BCAS3: variants seen among roughly 807,000 people sequenced by gnomAD.
BCAS3 encodes BCAS3 microtubule associated cell migration factor, also known as BCAS4/BCAS3 fusion.
A neutral mutation model predicts 116.1 loss-of-function variants in BCAS3; 53 were observed. The ratio of observed to expected loss-of-function variants is 0.46; its 90% CI spans 0.37 to 0.57. The LOEUF (loss-of-function observed/expected upper bound fraction) is 0.57. BCAS3 is among the 20% of genes least tolerant of loss of function. The pLI, the probability that BCAS3 is intolerant of heterozygous loss-of-function variation, is 0.00. For missense variants in BCAS3, 917 were observed against 1,165.4 expected (o/e 0.79, Z 3.10); for synonymous variants, 391 against 408.2 (o/e 0.96, Z 0.51).
chr17:60,774,658 A>G (rs1368040824), intron 6 of BCAS3, among the ~76,000 whole-genome samples: 1 of 152,260 alleles, frequency 6.6e-6, no homozygotes, highest in African/African-American at 2.4e-5. Context: ...TAGAATAGCC[A>G]TTAGTCTAGA....
In BCAS3 at chr17:60,930,087, C is replaced by T. The variant is rs944692851; in HGVS notation, c.1087+5587C>T. Reference sequence around the variant, plus strand: ...TCAATAGGCCTTAACACAGTAGTTACAATTTTTAATTTAAATTGGCTTTTT... The same window carrying T: ...TCAATAGGCCTTAACACAGTAGTTATAATTTTTAATTTAAATTGGCTTTTT... On this transcript the variant is annotated intron_variant, in intron 13 of 23. Transcript: ENST00000407086. 7.9e-5 allele frequency among the ~76,000 whole-genome samples: 12 copies of T among 152,078 alleles called. No homozygotes were observed. In the South Asian group the frequency reaches 8.3e-4, roughly 11 times the overall value.
intron 15 of BCAS3, among the ~76,000 whole-genome samples, chr17:60,991,392 T>C (rs1040888485): frequency 2.0e-5 from 3 of 152,224 alleles, no homozygotes; most frequent in African/African-American, 7.2e-5. Context: ...ATAATATGTA[T>C]ACTAATTTTT....
rs1486505312 is a variant in BCAS3 at position 60,961,027 on chromosome 17, G to C, written c.1221+13675G>C. Among the ~76,000 whole-genome samples the C allele has an allele frequency of 6.6e-6, 1 of 151,794 alleles. No homozygotes were observed. The highest frequency in any genetic ancestry group is 1.5e-5 in the Non-Finnish European group (1 of 67,986). On this transcript the variant is annotated intron_variant, in intron 14 of 23. Coordinates refer to ENST00000407086, the MANE Select transcript of BCAS3 (RefSeq NM_017679.5). This position sits in a 1 kb window ranked among gnomAD's most constrained non-coding sequence, Gnocchi z 4.8. The stretch of plus-strand genomic sequence containing the variant: ...CAGAATGTTGTCAAGCTATACTCCT[G>C]GCCTTCAGAGCACATTTTCCCAACC...
chr17:61,114,115 A>G (rs1176702281), intron 22 of BCAS3, among the ~76,000 whole-genome samples: 5 of 146,216 alleles, frequency 3.4e-5, no homozygotes, highest in Non-Finnish European at 6.0e-5. Context: ...ATCTATGACA[A>G]ACCCACAGCC....
In BCAS3 at chr17:61,279,381, C is replaced by T. The variant is rs1384448279; in HGVS notation, c.2426-88946C>T. Among the ~76,000 whole-genome samples, 1 of 152,126 alleles carries T rather than the reference C, an allele frequency of 6.6e-6. No homozygotes were observed. On this transcript the variant is annotated intron_variant, in intron 22 of 23. Coordinates refer to ENST00000407086, the MANE Select transcript of BCAS3 (RefSeq NM_017679.5). This position sits in a 1 kb window ranked among gnomAD's most constrained non-coding sequence, Gnocchi z 4.4. ...TCTCGCTTCTTTCTTCTCTTTCCAT[C>T]AGTCAGTGATGCCCTTTGTGGGCAG...
chr17:61,270,268 C>G (rs551437129), intron 22 of BCAS3, among the ~76,000 whole-genome samples: 7 of 149,228 alleles, frequency 4.7e-5, no homozygotes, highest in African/African-American at 1.7e-4. Context: ...TACAGGTGCC[C>G]GCCACCGCGC....
intron 7 of BCAS3, among the ~76,000 whole-genome samples, chr17:60,841,546 ATT>A (rs754447784): frequency 0.19 from 23,907 of 123,330 alleles, 2,525 homozygotes; most frequent in African/African-American, 0.36. Context: ...CACCTGGCTA[ATT>A]TTTTTTTTTT....
chr17:61,059,114 G>T (rs545995236), intron 19 of BCAS3, among the ~76,000 whole-genome samples: 2 of 86,342 alleles, frequency 2.3e-5, no homozygotes, highest in East Asian at 6.0e-4. Flanking sequence ...ACAGAGTCTC[G>T]TTCTGTTGCC....
intron 12 of BCAS3, among the ~76,000 whole-genome samples, chr17:60,921,348 G>A (rs185166891): frequency 6.2e-4 from 95 of 152,260 alleles, no homozygotes; most frequent in Non-Finnish European, 1.2e-3. Context: ...ATAAGTGGGA[G>A]CTAAACATTG....
At chr17:61,164,741 C>T (rs1053532631) in intron 22 of BCAS3, among the ~76,000 whole-genome samples, 5 of 152,110 alleles carry the variant, frequency 3.3e-5, no homozygotes, top group African/African-American at 1.2e-4. Context: ...CAAAACTGAG[C>T]CAAATAAACC....
intron 6 of BCAS3, among the ~76,000 whole-genome samples, chr17:60,762,378 A>G (rs549697961): frequency 3.3e-5 from 5 of 152,164 alleles, no homozygotes; most frequent in African/African-American, 1.2e-4. Flanking sequence ...ATTTTTGTGT[A>G]AAGTGTAAGG....
At chr17:61,129,615 G>A (rs2076226018) in intron 22 of BCAS3, among the ~76,000 whole-genome samples, 1 of 152,228 alleles carries the variant, frequency 6.6e-6, no homozygotes, top group East Asian at 1.9e-4. Flanking sequence ...AACTTCCAGG[G>A]CCTTCGGCAT....
At chr17:60,987,903 A>G (rs1168251585) in intron 14 of BCAS3, among the ~76,000 whole-genome samples, 1 of 152,076 alleles carries the variant, frequency 6.6e-6, no homozygotes, top group East Asian at 1.9e-4. Context: ...GTCTTGTTCC[A>G]TATCTTGGCA....
chr17:61,288,103 T>C (rs1204562436), intron 22 of BCAS3, among the ~76,000 whole-genome samples: 1 of 152,224 alleles, frequency 6.6e-6, no homozygotes. Context: ...GGCTGTGTGC[T>C]CTTCAGCAAG....
chr17:61,016,504 C>T (rs1427315063), intron 16 of BCAS3, among the ~76,000 whole-genome samples: 1 of 152,126 alleles, frequency 6.6e-6, no homozygotes, highest in African/African-American at 2.4e-5. Context: ...TAGCAATTTG[C>T]TACCCCTTAG....
chr17:61,096,809 A>C (rs62082931), intron 22 of BCAS3, among the ~76,000 whole-genome samples: 297 of 152,328 alleles, frequency 1.9e-3, no homozygotes, highest in Middle Eastern at 6.8e-3. Flanking sequence ...TTATTTCACT[A>C]TGAAGTATAA....
At chr17:61,009,941 T>C (rs1488438521) in intron 15 of BCAS3, among the ~76,000 whole-genome samples, 1 of 152,082 alleles carries the variant, frequency 6.6e-6, no homozygotes, top group Non-Finnish European at 1.5e-5. Flanking sequence ...ATGTCCAAGT[T>C]TGTCAAAGCC....
chr17:60,791,803 A>G (rs1484239565), intron 6 of BCAS3, among the ~76,000 whole-genome samples: 2 of 152,146 alleles, frequency 1.3e-5, no homozygotes, highest in African/African-American at 2.4e-5. Context: ...TTATGTATTT[A>G]TGTATCCATG....
At chr17:60,768,015 G>A (rs1024563832) in intron 6 of BCAS3, among the ~76,000 whole-genome samples, 1 of 152,150 alleles carries the variant, frequency 6.6e-6, no homozygotes, top group African/African-American at 2.4e-5. Flanking sequence ...GCCCAGCCTG[G>A]TCTCAAATTA....
Sources: allele counts gnomAD v4.1 joint callset (sites outside exome capture counted in the v4.1 genomes callset), GRCh38; gene constraint gnomAD v4.1.1; non-coding constraint Gnocchi (gnomAD v3.1); transcripts MANE v1.5; gene names NCBI Gene and HGNC (gene_info 2026-07-23, HGNC 2026-07-21).